KCNH8: variants seen among roughly 807,000 people sequenced by gnomAD.
KCNH8 encodes potassium voltage-gated channel subfamily H member 8, also known as voltage-gated delayed rectifier potassium channel KCNH8.
In KCNH8, 70 loss-of-function variants were observed where a neutral mutation model predicts 103.6. That is an observed-to-expected ratio of 0.68 (90% CI 0.56 to 0.82). The LOEUF is 0.82. KCNH8 is among the 40% of genes least tolerant of loss of function. The probability of loss-of-function intolerance (pLI) is 0.00; values close to 1 mark genes in which losing one functional copy is unlikely to be tolerated. For missense variants in KCNH8, 1,217 were observed against 1,329.9 expected, an observed-to-expected ratio of 0.92 and a Z score of 1.32; for synonymous variants, 498 against 489.4, an observed-to-expected ratio of 1.02 and a Z score of -0.23.
chr3:19,516,790 A>G (rs1045649933), intron 14 of KCNH8, among the ~76,000 whole-genome samples: 1 of 151,976 alleles, frequency 6.6e-6, no homozygotes, highest in African/African-American at 2.4e-5. Context: ...TTCTCTAGCT[A>G]TATCTATCTC....
chr3:19,515,325 T>A lies in KCNH8; in HGVS notation c.2439T>A (p.Ile813=). Residue 813 remains isoleucine, a synonymous_variant, in exon 14 of 16, where the codon ATT becomes ATA. Transcript: ENST00000328405. The part of the protein sequence containing the change: ...NAGPPDLSPR[I]VDGIEDGNSS... ...CAATTTCCTTTATTTTAAGTAGGATTGTTGATGGAATTGAAGATGGAAACA... is the reference window on the plus strand; with the variant it reads ...CAATTTCCTTTATTTTAAGTAGGATAGTTGATGGAATTGAAGATGGAAACA... 6.3e-7 allele frequency: 1 copy of A among 1,577,440 alleles called. No homozygotes were observed. Among genetic ancestry groups the A allele is most frequent in the East Asian group, 2.3e-5 (1 of 44,140 alleles).
intron 3 of KCNH8, among the ~76,000 whole-genome samples, chr3:19,299,419 T>C (rs1493927): frequency 0.69 from 104,527 of 151,946 alleles, 36,527 homozygotes; most frequent in African/African-American, 0.8. Flanking sequence ...TGCTTGAGTC[T>C]GGAAGTTCGA....
intron 3 of KCNH8, among the ~76,000 whole-genome samples, chr3:19,322,650 T>C (rs996560868): frequency 2.6e-5 from 4 of 152,220 alleles, no homozygotes; most frequent in African/African-American, 9.6e-5. Context: ...TGACTTTAGA[T>C]AACTTGATGA....
chr3:19,275,396 C>A (rs1366388625), intron 2 of KCNH8, among the ~76,000 whole-genome samples: 1 of 151,930 alleles, frequency 6.6e-6, no homozygotes, highest in Admixed American at 6.6e-5. Context: ...CTGTCTACCC[C>A]CCACGCTGCC....
intron 1 of KCNH8, among the ~76,000 whole-genome samples, chr3:19,226,607 A>G (rs777480793): frequency 2.0e-5 from 3 of 149,860 alleles, no homozygotes; most frequent in Non-Finnish European, 4.4e-5. Flanking sequence ...TCTCTGTCAC[A>G]CACACACACA....
At chr3:19,477,105 A>G (rs1023055079) in intron 11 of KCNH8, among the ~76,000 whole-genome samples, 10 of 152,176 alleles carry the variant, frequency 6.6e-5, no homozygotes, top group Non-Finnish European at 1.3e-4. Flanking sequence ...GCATGGCATG[A>G]TAGCCCTTTT....
At chr3:19,400,967 G>A (rs542284191) in intron 7 of KCNH8, among the ~76,000 whole-genome samples, 39 of 151,794 alleles carry the variant, frequency 2.6e-4, no homozygotes, top group Non-Finnish European at 4.6e-4. Flanking sequence ...TTGTAGATTC[G>A]CATTCTTAAG....
intron 11 of KCNH8, among the ~76,000 whole-genome samples, chr3:19,502,715 G>A (rs1210726647): frequency 6.6e-6 from 1 of 150,752 alleles, no homozygotes; most frequent in Non-Finnish European, 1.5e-5. Context: ...GGGAAAACTG[G>A]CTAGCCATAT....
At chr3:19,205,865 C>T (rs1228078602) in intron 1 of KCNH8, among the ~76,000 whole-genome samples, 1 of 151,714 alleles carries the variant, frequency 6.6e-6, no homozygotes, top group Non-Finnish European at 1.5e-5. Context: ...TATTTGGTTA[C>T]TTAAGTTCTT....
At chr3:19,230,112 C>G (rs946047026) in intron 1 of KCNH8, among the ~76,000 whole-genome samples, 2 of 152,158 alleles carry the variant, frequency 1.3e-5, no homozygotes, top group African/African-American at 4.8e-5. Context: ...CATCAGAGCT[C>G]ATGAGACTTA....
rs531433641 is a variant in KCNH8, at chr3:19,279,585, TAAG to T, written c.311-1612_311-1610del. On this transcript the variant is annotated intron_variant, in intron 2 of 15. Transcript: ENST00000328405. ...CATAGGGCTAAAAAAAAAAAAAAAA[TAAG>T]GAGGAAATCATGACTCTAAAACTAT... Among the ~76,000 whole-genome samples, 943 of 132,440 alleles carry T rather than the reference TAAG, an allele frequency of 7.1e-3. 3 individuals carry two copies. Among genetic ancestry groups the T allele is most frequent in the Middle Eastern group, 0.012 (3 of 250 alleles). The allele number at this position is 132,440 out of a possible 152,430, so 86.9% of individuals were successfully genotyped here. A position where few individuals can be genotyped will look rare whatever the true frequency, so the allele number is the denominator to read the frequency against.
At chr3:19,292,169 G>A (rs2064937710) in intron 3 of KCNH8, among the ~76,000 whole-genome samples, 1 of 152,144 alleles carries the variant, frequency 6.6e-6, no homozygotes, top group African/African-American at 2.4e-5. Context: ...TTCTTGTTGA[G>A]TGTCCCAGAT....
At chr3:19,220,431 C>T (rs139057023) in intron 1 of KCNH8, among the ~76,000 whole-genome samples, 18 of 152,304 alleles carry the variant, frequency 1.2e-4, no homozygotes, top group Non-Finnish European at 2.5e-4. Flanking sequence ...ACTGCTTAAG[C>T]AGTTCTTCTT....
chr3:19,407,035 C>A (rs2066702463), intron 7 of KCNH8, among the ~76,000 whole-genome samples: 1 of 152,070 alleles, frequency 6.6e-6, no homozygotes, highest in South Asian at 2.1e-4. Context: ...TCCAAACATC[C>A]ATGAAATAAA....
intron 11 of KCNH8, among the ~76,000 whole-genome samples, chr3:19,493,849 TTTA>T (rs2068378421): frequency 6.6e-6 from 1 of 151,992 alleles, no homozygotes; most frequent in African/African-American, 2.4e-5. Flanking sequence ...TATAGATTGT[TTTA>T]TTATAACTTT....
intron 5 of KCNH8, 128 bp from the exon 6 acceptor site, chr3:19,390,353 C>A: frequency 3.1e-6 from 2 of 649,048 alleles, no homozygotes; most frequent in Non-Finnish European, 2.6e-6. Flanking sequence ...GATTTTCTTC[C>A]TCCCTTCCTT....
At position 19,476,208 on chromosome 3, in the gene KCNH8, A is replaced by G. The variant is rs530407740; in HGVS notation, c.2040+19226A>G. On this transcript the variant is annotated intron_variant, in intron 11 of 15. Transcript: ENST00000328405. ...GCTAATTGAGCTTAACCGAGGCAATATATTTCAAATCAGCAAAGTAGTTTA... is the reference window on the plus strand; with the variant it reads ...GCTAATTGAGCTTAACCGAGGCAATGTATTTCAAATCAGCAAAGTAGTTTA... 7.2e-5 allele frequency among the ~76,000 whole-genome samples: 11 copies of G among 152,324 alleles called. No homozygotes were observed. The East Asian group carries it at 1.2e-3, about 16-fold the overall frequency.
rs2066184799 is a variant in KCNH8, at chr3:19,375,724, C to G, written c.812-14757C>G. On this transcript the variant is annotated intron_variant, in intron 5 of 15. Coordinates refer to ENST00000328405, the MANE Select transcript of KCNH8 (RefSeq NM_144633.3). Reference sequence around the variant, plus strand: ...CAGTTTTTCTGTTCTGTTTTTTCCCCATCTTTGTGGTTTTATCTACTTTTG... The same window carrying G: ...CAGTTTTTCTGTTCTGTTTTTTCCCGATCTTTGTGGTTTTATCTACTTTTG... Among the ~76,000 whole-genome samples, 2 of 152,044 alleles carry G rather than the reference C, an allele frequency of 1.3e-5. 1 individual carries two copies. The highest frequency in any genetic ancestry group is 4.1e-4 in the South Asian group (2 of 4,834).
At chr3:19,321,141 G>A (rs2065345088) in intron 3 of KCNH8, among the ~76,000 whole-genome samples, 1 of 151,498 alleles carries the variant, frequency 6.6e-6, no homozygotes, top group African/African-American at 2.4e-5. Context: ...CCAGGTTTTT[G>A]GTTCATTTAT....
Sources: gnomAD v4.1 joint callset for allele counts (sites outside exome capture counted in the v4.1 genomes callset) on GRCh38, gnomAD v4.1.1 for gene constraint, MANE v1.5 for transcripts, NCBI Gene and HGNC (gene_info 2026-07-23, HGNC 2026-07-21) for gene names.